Variants in RPS23 observed in about 807,000 individuals in gnomAD.
The protein encoded by RPS23 is small ribosomal subunit protein uS12.
For synonymous variants in RPS23, 66 were observed against 60.4 expected (o/e 1.09, Z -0.43); for missense variants, 73 against 174.5 (o/e 0.42, Z 3.28).
At position 82,275,364 on chromosome 5, in the gene RPS23, A is replaced by G. The variant is rs1747750543; in HGVS notation, c.*745T>C. On this transcript the variant is annotated 3_prime_UTR_variant, in exon 4 of 4. Transcript: ENST00000296674. Reference sequence around the variant, plus strand: ...TACCTAGCTTAAATTATCAAAACACAACCAATCTTGTCTCTACACTAAACC... The same window carrying G: ...TACCTAGCTTAAATTATCAAAACACGACCAATCTTGTCTCTACACTAAACC... 1.4e-6 allele frequency: 1 copy of G among 701,654 alleles called. No homozygotes were observed. Among genetic ancestry groups the G allele is most frequent in the African/African-American group, 1.7e-5 (1 of 57,236 alleles). 43.5% of individuals were successfully genotyped at this position (701,654 alleles called of 1,614,324 possible). A position where few individuals can be genotyped will look rare whatever the true frequency, so the allele number is the denominator to read the frequency against.
intron 2 of RPS23, 194 bp downstream of exon 2, chr5:82,277,499 A>C: frequency 1.6e-6 from 1 of 621,620 alleles, no homozygotes; most frequent in Non-Finnish European, 2.8e-6. Context: ...TTAAATTAAA[A>C]CCTTAACTAC....
rs530322454 is a variant in RPS23 at position 82,275,318 on chromosome 5, G to A, written c.*791C>T. ...ACTCTGAAACAAGTATTTGTGGACA[G>A]CAAAATCCACATGTACTCAATACCT... On this transcript the variant is annotated 3_prime_UTR_variant, in exon 4 of 4. Transcript: ENST00000296674. The A allele has an allele frequency of 1.2e-4, 85 of 702,558 alleles. 1 individual carries two copies. Among genetic ancestry groups the A allele is most frequent in the South Asian group, 1.2e-3 (81 of 67,604 alleles). The allele number at this position is 702,558 out of a possible 1,614,324, so 43.5% of individuals were successfully genotyped here.
chr5:82,276,262 T>C lies in RPS23; in HGVS notation c.286-7A>G, dbSNP rs780429848. ...CCAGAACTTCATCATTTTCCTGGAA[T>C]AAAATAAGAAGTTTATTTCTGGTGT... On this transcript the variant is annotated splice_polypyrimidine_tract_variant and splice_region_variant and intron_variant, in intron 3 of 3. Transcript: ENST00000296674. 1 of 1,613,488 alleles carries C rather than the reference T, an allele frequency of 6.2e-7. No homozygotes were observed.
At chr5:82,276,359 C>T in intron 3 of RPS23, 39 bp downstream of exon 3, 1 of 1,613,482 alleles carries the variant, frequency 6.2e-7, no homozygotes, top group South Asian at 1.1e-5. Flanking sequence ...AGGGAGGCCA[C>T]CCCAAGAACA....
chr5:82,275,434 A>C lies in RPS23; in HGVS notation c.*675T>G. On this transcript the variant is annotated 3_prime_UTR_variant, in exon 4 of 4. Transcript: ENST00000296674. ...CTTTGAAGACATGAAGGTCTCTGACAACCTCATGAGAAGATACTGAAAACA... is the reference window on the plus strand; with the variant it reads ...CTTTGAAGACATGAAGGTCTCTGACCACCTCATGAGAAGATACTGAAAACA... 1.7e-6 allele frequency: 1 copy of C among 590,772 alleles called. No individual in the cohort carries two copies. The highest frequency in any genetic ancestry group is 1.7e-5 in the South Asian group (1 of 57,440). The allele number at this position is 590,772 out of a possible 1,614,324, so 36.6% of individuals were successfully genotyped here. A position where few individuals can be genotyped will look rare whatever the true frequency, so the allele number is the denominator to read the frequency against.
chr5:82,278,102 C>T (rs1251242865), intron 1 of RPS23: 2 of 679,154 alleles, frequency 2.9e-6, no homozygotes, highest in Non-Finnish European at 5.0e-6. Flanking sequence ...GAAGCGCTGG[C>T]CTCCCTGCGT....
Position 82,273,402 on chromosome 5 carries a change from T to C in RPS23, c.*2707A>G, listed in dbSNP as rs1041033364. ...CTGAGCTCCTCAAGTGCACAATTTC[T>C]GTCCCTTTTAAGGGCTCACAACACT... On this transcript the variant is annotated 3_prime_UTR_variant, in exon 4 of 4. Coordinates refer to ENST00000296674, the MANE Select transcript of RPS23 (RefSeq NM_001025.5). 16 of 149,458 alleles carry C rather than the reference T, an allele frequency of 1.1e-4. No homozygotes were observed. Among genetic ancestry groups the C allele is most frequent in the Non-Finnish European group, 2.4e-4 (16 of 68,022 alleles). The allele number at this position is 149,458 out of a possible 1,614,324, so 9.3% of individuals were successfully genotyped here.
rs1397230032 is a variant in RPS23 at position 82,275,230 on chromosome 5, T to C, written c.*879A>G. The stretch of plus-strand genomic sequence containing the variant: ...TTACTATTTGTTAACAGGAGTTTCT[T>C]ACATCAGATTTAAAGCAGAAGGCTC... On this transcript the variant is annotated 3_prime_UTR_variant, in exon 4 of 4. Coordinates refer to ENST00000296674, the MANE Select transcript of RPS23 (RefSeq NM_001025.5). 1.4e-6 allele frequency: 1 copy of C among 702,604 alleles called. No homozygotes were observed. The highest frequency in any genetic ancestry group is 2.0e-5 in the Admixed American group (1 of 50,018). The allele number at this position is 702,604 out of a possible 1,614,324, so 43.5% of individuals were successfully genotyped here.
At position 82,274,708 on chromosome 5, in the gene RPS23, A is replaced by C. The variant is rs879017730; in HGVS notation, c.*1401T>G. On this transcript the variant is annotated 3_prime_UTR_variant, in exon 4 of 4. Transcript: ENST00000296674. ...AGCAATCTCTCCCGCATCACAAAGG[A>C]TTGGGTCAGTTAAGGCTCATCCGAA... 1 of 153,650 alleles carries C rather than the reference A, an allele frequency of 6.5e-6. No individual in the cohort carries two copies. The highest frequency in any genetic ancestry group is 2.4e-5 in the African/African-American group (1 of 41,376). The allele number at this position is 153,650 out of a possible 1,614,324, so 9.5% of individuals were successfully genotyped here.
chr5:82,276,310 TTCA>T, intron 3 of RPS23, 55 bp from the exon 4 acceptor site: 1 of 1,612,668 alleles, frequency 6.2e-7, no homozygotes, highest in South Asian at 1.1e-5. Flanking sequence ...CAAAAATACT[TTCA>T]TGTGAGGAAA....
In RPS23 at chr5:82,275,125, G is replaced by C. The variant is rs1262629242; in HGVS notation, c.*984C>G. 1 of 672,520 alleles carries C rather than the reference G, an allele frequency of 1.5e-6. No individual in the cohort carries two copies. Among genetic ancestry groups the C allele is most frequent in the African/African-American group, 1.8e-5 (1 of 56,324 alleles). 41.7% of individuals were successfully genotyped at this position (672,520 alleles called of 1,614,324 possible). ...TTCTGCTCTTGATCCTACGGAAAGTGGGCAACCAAACCAATTGTTTTCCAA... is the reference window on the plus strand; with the variant it reads ...TTCTGCTCTTGATCCTACGGAAAGTCGGCAACCAAACCAATTGTTTTCCAA... On this transcript the variant is annotated 3_prime_UTR_variant, in exon 4 of 4. Transcript: ENST00000296674.
intron 2 of RPS23, chr5:82,276,987 C>G (rs557088949): frequency 3.7e-5 from 6 of 163,194 alleles, no homozygotes; most frequent in African/African-American, 1.4e-4. Flanking sequence ...GAGTTTGAGA[C>G]TAGCCTGGTC....
chr5:82,277,900 T>C, intron 1 of RPS23, 48 bp from the exon 2 acceptor site: 1 of 1,541,864 alleles, frequency 6.5e-7, no homozygotes. Context: ...GCCATCTACG[T>C]GTTTCCCATC....
At chr5:82,277,890 G>T (rs777566379) in intron 1 of RPS23, 38 bp from the exon 2 acceptor site, 3 of 1,580,420 alleles carry the variant, frequency 1.9e-6, no homozygotes, top group African/African-American at 1.4e-5. Flanking sequence ...GTAAAAACAC[G>T]CCATCTACGT....
chr5:82,277,962 G>T, intron 1 of RPS23, 110 bp from the exon 2 acceptor site: 1 of 1,019,274 alleles, frequency 9.8e-7, no homozygotes, highest in Non-Finnish European at 1.4e-6. Context: ...ATTGGCTCTC[G>T]TACTATTTAT....
In RPS23 at chr5:82,274,866, T is replaced by C. The variant is rs903534034; in HGVS notation, c.*1243A>G. ...AGAGACTAGCATCATCATCAAGAGA[T>C]AAACCGAAGTGTGCTGGAAAACACA... On this transcript the variant is annotated 3_prime_UTR_variant, in exon 4 of 4. Coordinates refer to ENST00000296674, the MANE Select transcript of RPS23 (RefSeq NM_001025.5). 21 of 242,452 alleles carry C rather than the reference T, an allele frequency of 8.7e-5. No individual in the cohort carries two copies. The Admixed American group carries it at 8.7e-4, about 10-fold the overall frequency. 15.0% of individuals were successfully genotyped at this position (242,452 alleles called of 1,614,324 possible).
intron 2 of RPS23, 96 bp downstream of exon 2, chr5:82,277,597 C>A: frequency 7.9e-7 from 1 of 1,262,290 alleles, no homozygotes; most frequent in Admixed American, 1.7e-5. Context: ...AATACTACTA[C>A]ACAAAAACCT....
At position 82,275,941 on chromosome 5, in the gene RPS23, C is replaced by T. The variant is rs80220222; in HGVS notation, c.*168G>A. On this transcript the variant is annotated 3_prime_UTR_variant, in exon 4 of 4. Transcript: ENST00000296674. ...TCCTGAAACAACCCTGTCTTATTGTCTCCTAAAATTGGTACAGGTCCTGCG... is the reference window on the plus strand; with the variant it reads ...TCCTGAAACAACCCTGTCTTATTGTTTCCTAAAATTGGTACAGGTCCTGCG... The T allele has an allele frequency of 0.019, 11,625 of 621,012 alleles. 157 individuals are homozygous for T. The highest frequency in any genetic ancestry group is 0.03 in the Middle Eastern group (67 of 2,266). 38.5% of individuals were successfully genotyped at this position (621,012 alleles called of 1,614,324 possible).
chr5:82,277,928 C>T, intron 1 of RPS23, 76 bp from the exon 2 acceptor site: 1 of 1,311,186 alleles, frequency 7.6e-7, no homozygotes, highest in Non-Finnish European at 1.1e-6. Context: ...ACACTCGCCT[C>T]ACCTGGAATA....
Sources: allele counts gnomAD v4.1 joint callset, GRCh38; gene constraint gnomAD v4.1.1; transcripts MANE v1.5; gene names NCBI Gene and HGNC (gene_info 2026-07-23, HGNC 2026-07-21).